EIF3B: variants seen among roughly 807,000 people sequenced by gnomAD.
EIF3B encodes the protein eukaryotic translation initiation factor 3 subunit B.
EIF3B carries 10 observed loss-of-function variants against 104.6 expected under a neutral mutation model. That is an observed-to-expected ratio of 0.10 (90% confidence interval 0.06 to 0.16). The LOEUF (loss-of-function observed/expected upper bound fraction) is 0.16. Among genes scored for constraint, EIF3B ranks in the 10% least tolerant of loss-of-function variants. EIF3B has a pLI of 1.00. For synonymous variants in EIF3B, 542 were observed against 417.2 expected, an observed-to-expected ratio of 1.30 and a Z score of -3.65; for missense variants, 1,014 against 1,087.9, an observed-to-expected ratio of 0.93 and a Z score of 0.96.
intron 10 of EIF3B, 54 bp from the exon 11 acceptor site, chr7:2,371,723 T>G (rs1780349912): frequency 1.5e-6 from 2 of 1,329,804 alleles, no homozygotes; most frequent in South Asian, 1.2e-5. Context: ...TTTAAACCTT[T>G]TCTCATATTT....
chr7:2,367,824 AATTTTTTTTTTT>A (rs1780111045), intron 9 of EIF3B, among the ~76,000 whole-genome samples: 1 of 101,724 alleles, frequency 9.8e-6, no homozygotes. Flanking sequence ...CTTTTTTTAA[AATTTTTTTTTTT>A]TTTTTTTTTT....
intron 15 of EIF3B, chr7:2,378,480 ATGG>A (rs2115343014): frequency 9.4e-5 from 21 of 224,452 alleles, no homozygotes; most frequent in Middle Eastern, 5.8e-4. Context: ...CCTGGGTGTC[ATGG>A]AGGAAGGAGC....
intron 9 of EIF3B, among the ~76,000 whole-genome samples, chr7:2,368,740 C>T (rs1445312374): frequency 2.0e-5 from 3 of 152,206 alleles, no homozygotes; most frequent in East Asian, 1.9e-4. Flanking sequence ...GGGGAGCCTT[C>T]GGCTCATTTT....
intron 2 of EIF3B, 49 bp downstream of exon 2, chr7:2,360,951 G>A (rs1304932589): frequency 1.4e-6 from 2 of 1,473,574 alleles, no homozygotes; most frequent in Admixed American, 1.8e-5. Context: ...GGCACGTCAT[G>A]ATGAGGGAGT....
In EIF3B at chr7:2,380,260, C is replaced by T. The variant is rs755884756; in HGVS notation, c.*71C>T. 9.9e-5 allele frequency: 48 copies of T among 486,676 alleles called. No homozygotes were observed. Among genetic ancestry groups the T allele is most frequent in the Non-Finnish European group, 1.7e-4 (42 of 244,208 alleles). 30.1% of individuals were successfully genotyped at this position (486,676 alleles called of 1,614,324 possible). A position where few individuals can be genotyped will look rare whatever the true frequency, so the allele number is the denominator to read the frequency against. The stretch of plus-strand genomic sequence containing the variant: ...AGCTACAGGACTCCCGAGTGTGAGC[C>T]GCGGTTCCTCTGTTGCAGCGCAGCC... On this transcript the variant is annotated 3_prime_UTR_variant, in exon 19 of 19. Coordinates refer to ENST00000360876, the MANE Select transcript of EIF3B (RefSeq NM_001037283.2).
At chr7:2,370,561 T>C (rs766866604) in intron 10 of EIF3B, among the ~76,000 whole-genome samples, 5 of 152,192 alleles carry the variant, frequency 3.3e-5, no homozygotes, top group African/African-American at 1.2e-4. Context: ...TTAATTGACA[T>C]GTAGTTCACA....
rs564174305 is a variant in EIF3B, at chr7:2,380,396, A to G, written c.*207A>G. ...TGCGCCTGGATTCTGCCATTGCGAC[A>G]CATTTTTGTGCCTTTCAGCCCCTGG... is the stretch of plus-strand genomic sequence containing the variant. On this transcript the variant is annotated 3_prime_UTR_variant, in exon 19 of 19. Transcript: ENST00000360876. The G allele has an allele frequency of 1.9e-6, 1 of 518,724 alleles. No homozygotes were observed. Among genetic ancestry groups the G allele is most frequent in the African/African-American group, 1.9e-5 (1 of 52,042 alleles). The allele number at this position is 518,724 out of a possible 1,614,324, so 32.1% of individuals were successfully genotyped here. A position where few individuals can be genotyped will look rare whatever the true frequency, so the allele number is the denominator to read the frequency against.
At chr7:2,368,998 T>C (rs948966667) in intron 9 of EIF3B, among the ~76,000 whole-genome samples, 37 of 152,208 alleles carry the variant, frequency 2.4e-4, no homozygotes, top group African/African-American at 8.9e-4. Context: ...TTACAGCAGC[T>C]CTTCTGTAGA....
intron 18 of EIF3B, 109 bp from the exon 19 acceptor site, chr7:2,380,095 C>T (rs1007736120): frequency 2.6e-5 from 8 of 310,226 alleles, no homozygotes; most frequent in African/African-American, 8.9e-5. Flanking sequence ...TCTCTGTGGC[C>T]GGGGTGGCTC....
rs1189817073 is a variant in EIF3B at position 2,354,928 on chromosome 7, G to A, written c.7G>A (p.Asp3Asn). 12 of 1,231,052 alleles carry A rather than the reference G, an allele frequency of 9.7e-6. No individual in the cohort carries two copies. The highest frequency in any genetic ancestry group is 2.2e-5 in the South Asian group (1 of 46,364). The allele number at this position is 1,231,052 out of a possible 1,614,324, so 76.3% of individuals were successfully genotyped here. A position where few individuals can be genotyped will look rare whatever the true frequency, so the allele number is the denominator to read the frequency against. ...AGTAGGCAGCGTTGGGCCCATGCAGGACGCGGAGAACGTGGCGGTGCCCGA... is the reference window on the plus strand; with the variant it reads ...AGTAGGCAGCGTTGGGCCCATGCAGAACGCGGAGAACGTGGCGGTGCCCGA... MQ[D>N]AENVAVPEAA... The change falls in exon 1 of 19, where the codon GAC becomes AAC. Residue 3 changes from aspartate (D) to asparagine (N), a missense_variant. Coordinates refer to ENST00000360876, the MANE Select transcript of EIF3B (RefSeq NM_001037283.2).
intron 6 of EIF3B, among the ~76,000 whole-genome samples, chr7:2,365,080 G>C (rs1197238488): frequency 6.6e-6 from 1 of 152,242 alleles, no homozygotes; most frequent in Non-Finnish European, 1.5e-5. Context: ...GCCTTCCTGA[G>C]TAGCGGGGAC....
rs1054624844 is a variant in EIF3B, at chr7:2,380,321, G to C, written c.*132G>C. 5 of 517,772 alleles carry C rather than the reference G, an allele frequency of 9.7e-6. No individual in the cohort carries two copies. In the Admixed American group the frequency reaches 9.7e-5, roughly 10 times the overall value. The allele number at this position is 517,772 out of a possible 1,614,324, so 32.1% of individuals were successfully genotyped here. A position where few individuals can be genotyped will look rare whatever the true frequency, so the allele number is the denominator to read the frequency against. On this transcript the variant is annotated 3_prime_UTR_variant, in exon 19 of 19. Coordinates refer to ENST00000360876, the MANE Select transcript of EIF3B (RefSeq NM_001037283.2). ...TGGAGCCGAGGCCGTCCTGCAGGAA[G>C]CCGCGTGACTCCCGCCTCCTCCCTG...
chr7:2,379,235 G>A lies in EIF3B; in HGVS notation c.2334G>A (p.Leu778=). 2 of 1,611,820 alleles carry A rather than the reference G, an allele frequency of 1.2e-6. No homozygotes were observed. Among genetic ancestry groups the A allele is most frequent in the South Asian group, 1.1e-5 (1 of 90,726 alleles). The change falls in exon 17 of 19, where the codon TTG becomes TTA. Residue 778 remains leucine, a synonymous_variant. Transcript: ENST00000360876. ...AGCAGAAAAACGAGCGCCTGGAGTT[G>A]CGAGGAGGTAACTTAGAGATCCCTC... The part of the protein sequence containing the change: ...YMEQKNERLE[L]RGGVDTDELD...
chr7:2,374,310 T>TA, intron 12 of EIF3B: 1 of 480,666 alleles, frequency 2.1e-6, no homozygotes, highest in Non-Finnish European at 3.8e-6. Context: ...TGTTTTGAAA[T>TA]ACCCCTGTCG....
rs1780420336 is a variant in EIF3B, at chr7:2,372,708, A to G, written c.1723A>G (p.Ser575Gly). The change falls in exon 12 of 19, where the codon AGT (serine) becomes GGT (glycine). Residue 575 changes from serine to glycine, a missense_variant. Physicochemically the swap from Ser to Gly is moderately conservative, Grantham distance 56. Coordinates refer to ENST00000360876, the MANE Select transcript of EIF3B (RefSeq NM_001037283.2). Reference protein sequence around the residue: ...IIAFAWEPNGSKFAVLHGEAP... With the variant: ...IIAFAWEPNGGKFAVLHGEAP... ...AGCCTTTGCCTGGGAACCAAATGGA[A>G]GTAAGTTTGCTGTGCTGCACGGAGA... The G allele has an allele frequency of 1.2e-6, 2 of 1,614,124 alleles. No homozygotes were observed. Among genetic ancestry groups the G allele is most frequent in the Admixed American group, 3.3e-5 (2 of 60,022 alleles).
At chr7:2,363,015 G>C in intron 3 of EIF3B, 55 bp from the exon 4 acceptor site, 1 of 1,594,304 alleles carries the variant, frequency 6.3e-7, no homozygotes, top group Non-Finnish European at 8.6e-7. Context: ...GCCCCCACGA[G>C]TTGCTCTTTC....
intron 12 of EIF3B, chr7:2,374,215 A>G (rs1036536195): frequency 1.2e-5 from 3 of 247,900 alleles, no homozygotes; most frequent in Non-Finnish European, 1.6e-5. Flanking sequence ...CGTCTCTGAC[A>G]TCTCTCTGTT....
In EIF3B at chr7:2,362,551, C is replaced by A. The variant is rs1207918510; in HGVS notation, c.693-94C>A. 3 of 1,514,294 alleles carry A rather than the reference C, an allele frequency of 2.0e-6. No homozygotes were observed. In the African/African-American group the frequency reaches 4.1e-5, roughly 21 times the overall value. The allele number at this position is 1,514,294 out of a possible 1,614,324, so 93.8% of individuals were successfully genotyped here. ...AAGAGCAGCACAGATACTCCTGGCA[C>A]CGAGGGCTTGTCCGTGGAGAGGGGT... On this transcript the variant is annotated intron_variant, in intron 2 of 18. Coordinates refer to ENST00000360876, the MANE Select transcript of EIF3B (RefSeq NM_001037283.2).
chr7:2,355,254 G>C lies in EIF3B; in HGVS notation c.333G>C (p.Gln111His). Residue 111 changes from glutamine to histidine, a missense_variant, in exon 1 of 19, where the codon CAG (glutamine) becomes CAC (histidine). Transcript: ENST00000360876. ...VPAQGEAPGE[Q>H]ARDERSDSRA... The stretch of plus-strand genomic sequence containing the variant: ...CACAGGGCGAGGCCCCAGGAGAGCA[G>C]GCTCGGGACGAGCGCTCCGACAGCC... The C allele has an allele frequency of 6.5e-7, 1 of 1,530,000 alleles. No individual in the cohort carries two copies. The highest frequency in any genetic ancestry group is 2.5e-5 in the East Asian group (1 of 40,462). 94.8% of individuals were successfully genotyped at this position (1,530,000 alleles called of 1,614,324 possible). A position where few individuals can be genotyped will look rare whatever the true frequency, so the allele number is the denominator to read the frequency against.
Sources: gnomAD v4.1 joint callset for allele counts (sites outside exome capture counted in the v4.1 genomes callset) on GRCh38, gnomAD v4.1.1 for gene constraint, MANE v1.5 for transcripts, NCBI Gene and HGNC (gene_info 2026-07-23, HGNC 2026-07-21) for gene names.